The following ZNF560 variants were observed in gnomAD, a reference collection of about 807,000 sequenced individuals.
ZNF560 encodes the protein zinc finger protein 560.
In ZNF560, 54 loss-of-function variants were observed where a neutral mutation model predicts 81.8. That is an observed-to-expected ratio of 0.66 (90% CI 0.53 to 0.83). The LOEUF (loss-of-function observed/expected upper bound fraction) is 0.83, where lower values mean the gene tolerates loss of function less well. ZNF560 is among the 40% of genes least tolerant of loss of function. The pLI is 0.00. For missense variants in ZNF560, 940 were observed against 932.4 expected (o/e 1.01, Z -0.11); for synonymous variants, 321 against 317.9 (o/e 1.01, Z -0.10).
At chr19:9,493,102 T>C (rs893903198) in intron 2 of ZNF560, among the ~76,000 whole-genome samples, 1 of 152,130 alleles carries the variant, frequency 6.6e-6, no homozygotes, top group Non-Finnish European at 1.5e-5. Context: ...AAAAGAATGA[T>C]GTCTAGAACC....
chr19:9,463,515 C>A (rs995708064), downstream of ZNF560, among the ~76,000 whole-genome samples: 6 of 152,314 alleles, frequency 3.9e-5, no homozygotes, highest in Middle Eastern at 3.4e-3. Context: ...ACAGAAGTCA[C>A]ACAAGGCAAT....
chr19:9,475,612 T>C lies in ZNF560; in HGVS notation c.-56-243A>G, dbSNP rs566730795. On this transcript the variant is annotated intron_variant, in intron 2 of 9. Transcript: ENST00000301480. ...TCATTGCACAGGTAAAGAAACTTTT[T>C]TTTTTTTTTTTGGAGATGGAGTTTC... is the stretch of plus-strand genomic sequence containing the variant. Among the ~76,000 whole-genome samples the C allele has an allele frequency of 6.7e-3, 1,014 of 151,900 alleles. 8 individuals carry two copies. The highest frequency in any genetic ancestry group is 0.011 in the Non-Finnish European group (746 of 67,930).
At chr19:9,463,617 C>T (rs182318774), downstream of ZNF560, among the ~76,000 whole-genome samples, 2 of 152,326 alleles carry the variant, frequency 1.3e-5, no homozygotes, top group African/African-American at 4.8e-5. Flanking sequence ...AAGAGAACCA[C>T]TCTGAAACCC....
At chr19:9,452,693 C>T in the ZNF560 span, among the ~76,000 whole-genome samples, 7 of 152,108 alleles carry the variant, frequency 4.6e-5, no homozygotes, top group South Asian at 2.1e-4. Context: ...GAGAGCTAAG[C>T]GAGTAATCAT....
At chr19:9,497,828 A>C (rs1313883825) in intron 2 of ZNF560, among the ~76,000 whole-genome samples, 3 of 152,186 alleles carry the variant, frequency 2.0e-5, no homozygotes, top group Non-Finnish European at 4.4e-5. Flanking sequence ...TTCTTCCAGG[A>C]AGCCTGGTTA....
chr19:9,467,960 A>G lies in ZNF560; in HGVS notation c.987T>C (p.Phe329=), dbSNP rs1346466481. The change falls in exon 10 of 10, where the codon TTT becomes TTC. Residue 329 remains phenylalanine (F), a synonymous_variant. Transcript: ENST00000301480. ...TTACAGCATGGCTTGTGGAGTGAGT[A>G]AATGCTTCCCCACATTGCTTCCATT... ...LNEWKQCGEA[F]THSTSHAVNV... is the part of the protein sequence containing the mutation. The G allele has an allele frequency of 6.2e-7, 1 of 1,614,006 alleles. No homozygotes were observed. The highest frequency in any genetic ancestry group is 8.5e-7 in the Non-Finnish European group (1 of 1,180,024).
Position 9,467,558 on chromosome 19 carries a change from C to A in ZNF560, c.1389G>T (p.Lys463Asn). ...ATGTACCAAAGGCCTTCCCATATTC[C>A]TTATGCTCATATGGCTTCTCTCCAT... The part of the protein sequence containing the change: ...VHNGEKPYEH[K>N]EYGKAFGTSS... The change falls in exon 10 of 10, where the codon AAG becomes AAT. Residue 463 changes from lysine to asparagine, a missense_variant. Coordinates refer to ENST00000301480, the MANE Select transcript of ZNF560 (RefSeq NM_152476.3). 1 of 1,614,124 alleles carries A rather than the reference C, an allele frequency of 6.2e-7. No homozygotes were observed. The highest frequency in any genetic ancestry group is 8.5e-7 in the Non-Finnish European group (1 of 1,180,014).
At chr19:9,483,272 G>A (rs1462051286) in intron 2 of ZNF560, among the ~76,000 whole-genome samples, 35 of 150,916 alleles carry the variant, frequency 2.3e-4, no homozygotes, top group African/African-American at 3.9e-4. Flanking sequence ...CCTCTGCCCC[G>A]CCGCCCCGTC....
In ZNF560 at chr19:9,475,314, C is replaced by G. The variant is rs1442684462; in HGVS notation, c.-1G>C. On this transcript the variant is annotated 5_prime_UTR_variant, in exon 3 of 10. Transcript: ENST00000301480. ...AACAATTTGTCAGGCAGTAAGCCAT[C>G]TTCCTTTCTGCCTCTGTCTTTTCTT... The G allele has an allele frequency of 6.2e-7, 1 of 1,613,594 alleles. No individual in the cohort carries two copies. Among genetic ancestry groups the G allele is most frequent in the Admixed American group, 1.7e-5 (1 of 59,958 alleles).
the ZNF560 span, among the ~76,000 whole-genome samples, chr19:9,459,564 A>C: frequency 6.6e-6 from 1 of 152,128 alleles, no homozygotes; most frequent in South Asian, 2.1e-4. Context: ...ACAAGTTAAG[A>C]GTTCATAGGG....
At chr19:9,446,365 TACACACACAC>T in the ZNF560 span, among the ~76,000 whole-genome samples, 60 of 145,256 alleles carry the variant, frequency 4.1e-4, no homozygotes, top group African/African-American at 1.2e-3. Context: ...TGCCAAGTCA[TACACACACAC>T]ACACACACAC....
At chr19:9,506,411 G>GT in the ZNF560 span, among the ~76,000 whole-genome samples, 52 of 90,660 alleles carry the variant, frequency 5.7e-4, no homozygotes, top group Middle Eastern at 6.6e-3. Context: ...GCACGCTTCT[G>GT]TTGTTTTTTT....
Position 9,466,808 on chromosome 19 carries a change from T to C in ZNF560, c.2139A>G (p.Lys713=), listed in dbSNP as rs2073026722. 1 of 1,613,992 alleles carries C rather than the reference T, an allele frequency of 6.2e-7. No homozygotes were observed. The highest frequency in any genetic ancestry group is 8.5e-7 in the Non-Finnish European group (1 of 1,180,032). The change falls in exon 10 of 10, where the codon AAA becomes AAG. Residue 713 remains lysine, a synonymous_variant. Coordinates refer to ENST00000301480, the MANE Select transcript of ZNF560 (RefSeq NM_152476.3). ...TGAAGGCTTTCCCACAGTCCTTACA[T>C]TTATAGGGTTTTATTTTGGTGAGAG... ...LKTLTKIKPY[K]CKDCGKAFTC...
chr19:9,482,668 C>T (rs917805984), intron 2 of ZNF560, among the ~76,000 whole-genome samples: 6 of 145,488 alleles, frequency 4.1e-5, no homozygotes, highest in East Asian at 2.0e-4. Flanking sequence ...CCTCTCCCCA[C>T]GGTCTCCCTC....
intron 2 of ZNF560, among the ~76,000 whole-genome samples, chr19:9,486,500 G>A (rs1437479841): frequency 6.6e-6 from 1 of 152,168 alleles, no homozygotes; most frequent in African/African-American, 2.4e-5. Context: ...AGCACTTTTG[G>A]AGGCTGAGGC....
chr19:9,458,072 CT>C, the ZNF560 span, among the ~76,000 whole-genome samples: 1 of 152,116 alleles, frequency 6.6e-6, no homozygotes, highest in African/African-American at 2.4e-5. Flanking sequence ...ACTTTGACTC[CT>C]TATTTGGATC....
chr19:9,493,087 A>C (rs536461822), intron 2 of ZNF560, among the ~76,000 whole-genome samples: 16 of 152,310 alleles, frequency 1.1e-4, no homozygotes, highest in African/African-American at 3.6e-4. Flanking sequence ...TATACAACTG[A>C]GGCAAAAAGA....
At chr19:9,455,113 G>A in the ZNF560 span, among the ~76,000 whole-genome samples, 3 of 152,150 alleles carry the variant, frequency 2.0e-5, no homozygotes, top group African/African-American at 7.2e-5. Context: ...AGAAGAGAGG[G>A]TAATTTAGAG....
At chr19:9,466,327 CAGAG>C (rs1048302887), downstream of ZNF560, among the ~76,000 whole-genome samples, 5 of 148,128 alleles carry the variant, frequency 3.4e-5, no homozygotes, top group African/African-American at 1.3e-4. Flanking sequence ...GCCTAGGTGA[CAGAG>C]TGAGACTCAT....
Sources: allele counts gnomAD v4.1 joint callset (sites outside exome capture counted in the v4.1 genomes callset), GRCh38; gene constraint gnomAD v4.1.1; transcripts MANE v1.5; gene names NCBI Gene and HGNC (gene_info 2026-07-23, HGNC 2026-07-21).